The following PTPRJ variants were observed in gnomAD, a reference collection of about 807,000 sequenced individuals.
PTPRJ encodes receptor-type tyrosine-protein phosphatase eta.
In PTPRJ, 129 loss-of-function variants were observed where a neutral mutation model predicts 141.3. The observed-to-expected ratio is 0.91, with a 90% confidence interval of 0.79 to 1.06. The LOEUF is 1.06. Among genes scored for constraint, PTPRJ ranks in the 50% least tolerant of loss-of-function variants. The pLI, the probability that PTPRJ is intolerant of heterozygous loss-of-function variation, is 0.00. For missense variants in PTPRJ, 1,601 were observed against 1,679.7 expected, an observed-to-expected ratio of 0.95 and a Z score of 0.82; for synonymous variants, 610 against 640.5, an observed-to-expected ratio of 0.95 and a Z score of 0.72.
At chr11:48,122,407 G>A (rs1856727959) in intron 4 of PTPRJ, among the ~76,000 whole-genome samples, 3 of 152,222 alleles carry the variant, frequency 2.0e-5, no homozygotes, top group Non-Finnish European at 2.9e-5. Flanking sequence ...CTAGCTTAAA[G>A]CCCTGAGCAC....
At chr11:48,103,352 G>A (rs892416122) in intron 1 of PTPRJ, among the ~76,000 whole-genome samples, 2 of 152,150 alleles carry the variant, frequency 1.3e-5, no homozygotes, top group Non-Finnish European at 2.9e-5. Flanking sequence ...TGAACTACTC[G>A]GAAGGCTGAG....
chr11:48,061,195 C>T (rs376637216), intron 1 of PTPRJ, among the ~76,000 whole-genome samples: 3 of 152,282 alleles, frequency 2.0e-5, no homozygotes, highest in South Asian at 2.1e-4. Flanking sequence ...AGTCTGATCT[C>T]GAACTCCTGA....
intron 1 of PTPRJ, among the ~76,000 whole-genome samples, chr11:48,088,816 T>C (rs1855782434): frequency 6.6e-6 from 1 of 152,154 alleles, no homozygotes; most frequent in Non-Finnish European, 1.5e-5. Flanking sequence ...CCTTGGTTTT[T>C]CTACTGAGGC....
At chr11:48,114,967 CCTTGAA>C (rs756246085) in intron 3 of PTPRJ, among the ~76,000 whole-genome samples, 91 of 151,992 alleles carry the variant, frequency 6.0e-4, no homozygotes, top group Non-Finnish European at 4.4e-4. Flanking sequence ...AAGAAATAAT[CCTTGAA>C]CTTGAAGACA....
At chr11:48,151,424 T>C (rs1456928635) in intron 18 of PTPRJ, among the ~76,000 whole-genome samples, 2 of 150,678 alleles carry the variant, frequency 1.3e-5, no homozygotes, top group African/African-American at 4.9e-5. Flanking sequence ...TAATCTAGTA[T>C]GATCTCATTT....
At chr11:48,040,547 G>A (rs190752953) in intron 1 of PTPRJ, among the ~76,000 whole-genome samples, 37 of 151,844 alleles carry the variant, frequency 2.4e-4, no homozygotes, top group Non-Finnish European at 4.6e-4. Context: ...TTGCCTTCAG[G>A]GTGATAGGAC....
chr11:48,096,277 G>A (rs1856003273), intron 1 of PTPRJ, among the ~76,000 whole-genome samples: 1 of 152,214 alleles, frequency 6.6e-6, no homozygotes, highest in Non-Finnish European at 1.5e-5. Flanking sequence ...GGCGCTGGGG[G>A]TGGGGCAGAG....
At chr11:48,110,273 C>G (rs540950510) in intron 2 of PTPRJ, among the ~76,000 whole-genome samples, 197 bp downstream of exon 2, 2 of 152,224 alleles carry the variant, frequency 1.3e-5, no homozygotes, top group East Asian at 3.9e-4. Context: ...GTGGTGCCAT[C>G]TCGGCTCACT....
chr11:48,104,955 A>G (rs1054035570), intron 1 of PTPRJ, among the ~76,000 whole-genome samples: 7 of 152,186 alleles, frequency 4.6e-5, no homozygotes, highest in African/African-American at 1.7e-4. Flanking sequence ...CTCGGTGTCT[A>G]CATCTGGAAA....
intron 1 of PTPRJ, among the ~76,000 whole-genome samples, chr11:48,002,136 A>ATT (rs36029619): frequency 9.2e-5 from 12 of 130,404 alleles, no homozygotes; most frequent in South Asian, 2.4e-4. Flanking sequence ...TCCTATTTAA[A>ATT]TTTTTTTTTT....
intron 1 of PTPRJ, among the ~76,000 whole-genome samples, chr11:47,994,430 G>A (rs754036835): frequency 1.3e-5 from 2 of 151,984 alleles, no homozygotes; most frequent in African/African-American, 2.4e-5. Context: ...CAAGGCAGGC[G>A]GATTGCCTGA....
intron 6 of PTPRJ, among the ~76,000 whole-genome samples, chr11:48,127,483 G>T (rs1306966320): frequency 6.6e-6 from 1 of 152,182 alleles, no homozygotes; most frequent in Non-Finnish European, 1.5e-5. Flanking sequence ...CCTGGCCCTA[G>T]GGTAAGACAT....
intron 1 of PTPRJ, among the ~76,000 whole-genome samples, chr11:48,058,284 C>T (rs1854815390): frequency 6.6e-6 from 1 of 152,096 alleles, no homozygotes; most frequent in Admixed American, 6.6e-5. Flanking sequence ...TAGCTCACTG[C>T]ACCTTGACCT....
At chr11:48,132,418 C>A in intron 8 of PTPRJ, 1 of 981,648 alleles carries the variant, frequency 1.0e-6, no homozygotes, top group Non-Finnish European at 1.2e-6. Context: ...TATTTCTAGG[C>A]CTACAGGAGA....
intron 8 of PTPRJ, chr11:48,131,726 T>C (rs1459616388): frequency 2.0e-6 from 1 of 503,140 alleles, no homozygotes; most frequent in East Asian, 3.2e-5. Flanking sequence ...GCCTGAGATA[T>C]TTATTTTCTG....
intron 1 of PTPRJ, among the ~76,000 whole-genome samples, chr11:48,003,470 A>G (rs1347568742): frequency 1.3e-5 from 2 of 150,886 alleles, no homozygotes; most frequent in Non-Finnish European, 3.0e-5. Context: ...GGGTATTATC[A>G]TTAAAAAAAA....
chr11:48,028,235 T>G (rs1405005658), intron 1 of PTPRJ, among the ~76,000 whole-genome samples: 1 of 151,996 alleles, frequency 6.6e-6, no homozygotes, highest in Non-Finnish European at 1.5e-5. Context: ...GACTGAAGAG[T>G]GACATGGCTT....
chr11:48,058,312 C>G (rs911778572), intron 1 of PTPRJ, among the ~76,000 whole-genome samples: 1 of 152,138 alleles, frequency 6.6e-6, no homozygotes, highest in African/African-American at 2.4e-5. Context: ...TCAAGCAATC[C>G]TCCTGCCTCC....
At chr11:48,155,764 G>T in intron 19 of PTPRJ, 37 bp from the exon 20 acceptor site, 1 of 1,481,624 alleles carries the variant, frequency 6.7e-7, no homozygotes, top group Non-Finnish European at 9.3e-7. Context: ...TAAAACATTT[G>T]CTTATAATGG....
Sources: allele counts gnomAD v4.1 joint callset (sites outside exome capture counted in the v4.1 genomes callset), GRCh38; gene constraint gnomAD v4.1.1; transcripts MANE v1.5; gene names NCBI Gene and HGNC (gene_info 2026-07-23, HGNC 2026-07-21).